TAMM41: variants seen among roughly 807,000 people sequenced by gnomAD.
TAMM41 encodes phosphatidate cytidylyltransferase, mitochondrial.
TAMM41 carries 36 observed loss-of-function variants against 44.1 expected under a neutral mutation model. The observed-to-expected ratio is 0.82, with a 90% confidence interval of 0.63 to 1.08. TAMM41 has a LOEUF of 1.08. Ranked by LOEUF, TAMM41 falls within the 50% of genes least tolerant of loss-of-function variation. The pLI is 0.00. For synonymous variants in TAMM41, 164 were observed against 153.1 expected (o/e 1.07, Z -0.53); for missense variants, 417 against 404.3 (o/e 1.03, Z -0.27).
At chr3:11,797,806 AC>A (rs2124926294) in intron 7 of TAMM41, among the ~76,000 whole-genome samples, 1 of 152,308 alleles carries the variant, frequency 6.6e-6, no homozygotes, top group South Asian at 2.1e-4. Flanking sequence ...AAGAAAAAAA[AC>A]AAACAGCCCC....
chr3:11,747,956 C>A, the TAMM41 span, among the ~76,000 whole-genome samples: 1 of 150,830 alleles, frequency 6.6e-6, no homozygotes, highest in Non-Finnish European at 1.5e-5. Context: ...CTCACTGCAA[C>A]CTCTGCCTCC....
At chr3:11,792,318 C>T (rs879403796) in intron 7 of TAMM41, among the ~76,000 whole-genome samples, 3 of 152,134 alleles carry the variant, frequency 2.0e-5, no homozygotes, top group Admixed American at 1.3e-4. Flanking sequence ...AGTCAAGAGA[C>T]CTGGACTCTA....
intron 6 of TAMM41, chr3:11,809,290 T>A: frequency 1.8e-6 from 1 of 544,644 alleles, no homozygotes; most frequent in East Asian, 3.4e-5. Flanking sequence ...CCTTTGACAG[T>A]GATTTAGGAT....
intron 2 of TAMM41, among the ~76,000 whole-genome samples, chr3:11,841,511 G>C (rs1290728665): frequency 6.6e-6 from 1 of 152,106 alleles, no homozygotes; most frequent in African/African-American, 2.4e-5. Context: ...GCCTTCTCAG[G>C]CTGCAAATAT....
intron 7 of TAMM41, among the ~76,000 whole-genome samples, chr3:11,802,394 C>CAGA (rs1040850653): frequency 3.9e-5 from 6 of 152,018 alleles, no homozygotes; most frequent in African/African-American, 1.4e-4. Flanking sequence ...CACAGACATA[C>CAGA]AGAAGATCAT....
the TAMM41 span, among the ~76,000 whole-genome samples, chr3:11,755,242 A>C: frequency 1.3e-5 from 2 of 150,798 alleles, no homozygotes; most frequent in Non-Finnish European, 2.9e-5. Context: ...TTCTGCATCC[A>C]AGGCCACTAT....
intron 6 of TAMM41, 122 bp from the exon 7 acceptor site, chr3:11,808,017 T>G: frequency 7.0e-7 from 1 of 1,429,286 alleles, no homozygotes; most frequent in South Asian, 1.5e-5. Flanking sequence ...ACCAAATCTA[T>G]CTCTGTCCTG....
intron 5 of TAMM41, among the ~76,000 whole-genome samples, chr3:11,816,299 G>T (rs7650716): frequency 0.12 from 17,847 of 150,554 alleles, 2,249 homozygotes; most frequent in East Asian, 0.48. Flanking sequence ...ACCTTGATAA[G>T]AAAGTTTTAT....
intron 2 of TAMM41, among the ~76,000 whole-genome samples, chr3:11,841,388 A>G (rs1412544357): frequency 6.6e-6 from 1 of 152,078 alleles, no homozygotes; most frequent in African/African-American, 2.4e-5. Context: ...CGGACAGTTA[A>G]GCCTATTTCA....
chr3:11,809,836 A>G (rs2078034506), intron 5 of TAMM41, 154 bp from the exon 6 acceptor site: 1 of 667,602 alleles, frequency 1.5e-6, no homozygotes. Flanking sequence ...TTTTTCTGAA[A>G]CTGAATGGGT....
At chr3:11,752,625 C>CTTTTTTTTTTTTTTTTTTTTT in the TAMM41 span, among the ~76,000 whole-genome samples, 39 of 39,956 alleles carry the variant, frequency 9.8e-4, 9 homozygotes, top group Non-Finnish European at 1.6e-3. Flanking sequence ...TCTTACAAAG[C>CTTTTTTTTTTTTTTTTTTTTT]TTTTTTTTTT....
rs777333859 is a variant in TAMM41, at chr3:11,829,876, A to G, written c.412-12T>C. On this transcript the variant is annotated splice_polypyrimidine_tract_variant and intron_variant, in intron 3 of 7. Transcript: ENST00000455809. ...GAGATAATTTTCACCTGAAAGAAGC[A>G]GAACATTGGGAAGAAAAATTCCAGA... is the stretch of plus-strand genomic sequence containing the variant. 4.3e-6 allele frequency: 7 copies of G among 1,613,520 alleles called. No individual in the cohort carries two copies. In the East Asian group the frequency reaches 1.6e-4, roughly 36 times the overall value.
rs942755720 is a variant in TAMM41 at position 11,829,721 on chromosome 3, G to A, written c.555C>T (p.Ser185=). The change falls in exon 4 of 8, where the codon TCC becomes TCT. Residue 185 remains serine, a synonymous_variant. Transcript: ENST00000455809. ...EDLFIEIAGL[S]YSGDFRMVVG... is the part of the protein sequence containing the mutation. ...GGCAGCAACCATACTAACCTGAATA[G>A]GAGAGACCGGCAATCTCTATGAAGA... The A allele has an allele frequency of 3.1e-6, 5 of 1,614,082 alleles. No individual in the cohort carries two copies. Among genetic ancestry groups the A allele is most frequent in the Non-Finnish European group, 4.2e-6 (5 of 1,179,984 alleles).
chr3:11,726,100 G>A, the TAMM41 span, among the ~76,000 whole-genome samples: 279 of 152,350 alleles, frequency 1.8e-3, no homozygotes, highest in African/African-American at 6.0e-3. Flanking sequence ...TGAATTGCTC[G>A]TAGTACATAT....
At chr3:11,753,122 G>A in the TAMM41 span, among the ~76,000 whole-genome samples, 1 of 152,112 alleles carries the variant, frequency 6.6e-6, no homozygotes, top group South Asian at 2.1e-4. Context: ...GTCTTAGATA[G>A]GATGCTCAGC....
intron 4 of TAMM41, among the ~76,000 whole-genome samples, chr3:11,828,192 G>T (rs941912763): frequency 4.6e-5 from 7 of 151,752 alleles, no homozygotes; most frequent in Non-Finnish European, 7.4e-5. Flanking sequence ...CCTGGGGTAG[G>T]TCTCATACCT....
intron 6 of TAMM41, chr3:11,808,666 A>C: frequency 1.9e-3 from 1,750 of 926,172 alleles, no homozygotes; most frequent in Middle Eastern, 2.3e-3. Context: ...GACTGATCTC[A>C]TAAATTACCT....
In TAMM41 at chr3:11,838,923, G is replaced by T. The variant is rs1444133893; in HGVS notation, c.411+299C>A. Among the ~76,000 whole-genome samples, 11 of 152,128 alleles carry T rather than the reference G, an allele frequency of 7.2e-5. No homozygotes were observed. In the South Asian group the frequency reaches 2.3e-3, roughly 32 times the overall value. On this transcript the variant is annotated intron_variant, in intron 3 of 7. Transcript: ENST00000455809. ...ACTTTATTAGTATAAACTCAGGTAC[G>T]ACTGAAAGGAACTTGTTATGAATAA...
chr3:11,752,143 G>A, the TAMM41 span, among the ~76,000 whole-genome samples: 10 of 152,270 alleles, frequency 6.6e-5, no homozygotes, highest in African/African-American at 1.9e-4. Context: ...CCTTCGCGGC[G>A]AGTGTTACAG....
Sources: allele counts gnomAD v4.1 joint callset (sites outside exome capture counted in the v4.1 genomes callset), GRCh38; gene constraint gnomAD v4.1.1; transcripts MANE v1.5; gene names NCBI Gene and HGNC (gene_info 2026-07-23, HGNC 2026-07-21).